LRP6: variants seen among roughly 807,000 people sequenced by gnomAD.
LRP6 encodes LDL receptor related protein 6, also known as low-density lipoprotein receptor-related protein 6.
A neutral mutation model predicts 184.1 loss-of-function variants in LRP6; 43 were observed. That is an observed-to-expected ratio of 0.23 (90% CI 0.18 to 0.30). The LOEUF is 0.30. Among genes scored for constraint, LRP6 ranks in the 10% least tolerant of loss-of-function variants. The pLI is 1.00. For synonymous variants in LRP6, 719 were observed against 684.9 expected, an observed-to-expected ratio of 1.05 and a Z score of -0.78; for missense variants, 1,571 against 2,005.3, an observed-to-expected ratio of 0.78 and a Z score of 4.14.
intron 2 of LRP6, among the ~76,000 whole-genome samples, chr12:12,212,363 G>A (rs1591952394): frequency 6.6e-6 from 1 of 152,118 alleles, no homozygotes; most frequent in African/African-American, 2.4e-5. Context: ...CTATGCTCCA[G>A]TTATGAGCTG....
intron 1 of LRP6, among the ~76,000 whole-genome samples, chr12:12,263,358 G>A (rs532443516): frequency 1.3e-3 from 190 of 151,504 alleles, no homozygotes; most frequent in African/African-American, 4.2e-3. Context: ...GGCGGATCAC[G>A]AGGTCAGGAG....
rs117379991 is a variant in LRP6, at chr12:12,210,014, T to C, written c.450-6614A>G. On this transcript the variant is annotated intron_variant, in intron 2 of 22. Coordinates refer to ENST00000261349, the MANE Select transcript of LRP6 (RefSeq NM_002336.3). Reference sequence around the variant, plus strand: ...GAAATAGTGTTCCAGGAAGAGGACATAGCATATGAAGTCATGATATATTCA... The same window carrying C: ...GAAATAGTGTTCCAGGAAGAGGACACAGCATATGAAGTCATGATATATTCA... Among the ~76,000 whole-genome samples, 192 of 152,272 alleles carry C rather than the reference T, an allele frequency of 1.3e-3. 2 individuals are homozygous for C. In the East Asian group the frequency reaches 0.031, roughly 25 times the overall value.
chr12:12,153,090 A>T (rs1005488695), intron 12 of LRP6, among the ~76,000 whole-genome samples: 1 of 152,238 alleles, frequency 6.6e-6, no homozygotes, highest in Non-Finnish European at 1.5e-5. Context: ...TAGTAAAAAC[A>T]CATCACACAG....
chr12:12,237,725 T>C (rs187242484), intron 2 of LRP6, among the ~76,000 whole-genome samples: 40 of 152,292 alleles, frequency 2.6e-4, no homozygotes, highest in Admixed American at 2.3e-3. Flanking sequence ...CTGAGGAACG[T>C]TCTACAAATG....
intron 2 of LRP6, among the ~76,000 whole-genome samples, chr12:12,233,139 G>A (rs751671712): frequency 2.0e-5 from 3 of 152,194 alleles, no homozygotes; most frequent in Middle Eastern, 3.4e-3. Context: ...AACACAGGGG[G>A]ATAAAAATAA....
intron 10 of LRP6, among the ~76,000 whole-genome samples, chr12:12,160,448 G>C (rs1019804411): frequency 6.6e-6 from 1 of 151,956 alleles, no homozygotes; most frequent in Admixed American, 6.6e-5. Context: ...TACATGAAAG[G>C]TAATTATAAA....
chr12:12,171,582 A>T (rs761853108), intron 7 of LRP6, among the ~76,000 whole-genome samples: 9 of 151,834 alleles, frequency 5.9e-5, no homozygotes, highest in Non-Finnish European at 1.3e-4. Flanking sequence ...CGCTATTATC[A>T]TTTTTGTTAG....
At chr12:12,183,185 C>G (rs1315733103) in intron 5 of LRP6, among the ~76,000 whole-genome samples, 1 of 152,186 alleles carries the variant, frequency 6.6e-6, no homozygotes, top group Non-Finnish European at 1.5e-5. Flanking sequence ...GACTCTAACA[C>G]ACTCCAAAAC....
intron 12 of LRP6, among the ~76,000 whole-genome samples, chr12:12,158,217 T>G (rs1274179004): frequency 6.6e-6 from 1 of 152,248 alleles, no homozygotes; most frequent in East Asian, 1.9e-4. Flanking sequence ...GTTTTGCGAT[T>G]CACTGTTTTA....
At chr12:12,234,087 A>G (rs1864867110) in intron 2 of LRP6, among the ~76,000 whole-genome samples, 2 of 152,286 alleles carry the variant, frequency 1.3e-5, no homozygotes, top group South Asian at 4.1e-4. Context: ...CAGGAGTTTG[A>G]GACCAGCCTG....
At chr12:12,257,869 A>T in intron 1 of LRP6, among the ~76,000 whole-genome samples, 1 of 146,652 alleles carries the variant, frequency 6.8e-6, no homozygotes, top group South Asian at 2.3e-4. Flanking sequence ...CTGGAAGCTG[A>T]GGCAGGAGGA....
chr12:12,230,995 A>C (rs1442701707), intron 2 of LRP6, among the ~76,000 whole-genome samples: 1 of 151,850 alleles, frequency 6.6e-6, no homozygotes, highest in Non-Finnish European at 1.5e-5. Context: ...AGCCTGGCCA[A>C]TATGGTAAAA....
intron 15 of LRP6, among the ~76,000 whole-genome samples, chr12:12,142,422 T>C (rs1183558423): frequency 2.0e-5 from 3 of 152,168 alleles, no homozygotes; most frequent in Admixed American, 1.3e-4. Context: ...GGAAAAGATA[T>C]GCTTATTTAT....
rs536896153 is a variant in LRP6 at position 12,177,444 on chromosome 12, G to A, written c.1545+2366C>T. 4.6e-5 allele frequency among the ~76,000 whole-genome samples: 7 copies of A among 152,124 alleles called. No individual in the cohort carries two copies. The South Asian group carries it at 1.2e-3, about 27-fold the overall frequency. ...AAGTTCACAGTATTATCAAATCAAG[G>A]GAGATGAAAAGCTGGTAGTAGCAGT... On this transcript the variant is annotated intron_variant, in intron 7 of 22. Transcript: ENST00000261349.
At chr12:12,160,766 T>C (rs1365528139) in intron 10 of LRP6, among the ~76,000 whole-genome samples, 1 of 152,242 alleles carries the variant, frequency 6.6e-6, no homozygotes, top group East Asian at 1.9e-4. Flanking sequence ...GCCAGTTAGA[T>C]GACAGAGCTA....
chr12:12,220,073 G>A (rs1362085474), intron 2 of LRP6, among the ~76,000 whole-genome samples: 3 of 151,992 alleles, frequency 2.0e-5, no homozygotes, highest in African/African-American at 4.8e-5. Flanking sequence ...GATCACCTGA[G>A]GTCAGGAATT....
In LRP6 at chr12:12,175,111, G is replaced by C. The variant is rs570250184; in HGVS notation, c.1545+4699C>G. Reference sequence around the variant, plus strand: ...AAAGTATATAATGAAAAAACAGGTCGGGCATGGTGGCTCAAACCTATAATC... The same window carrying C: ...AAAGTATATAATGAAAAAACAGGTCCGGCATGGTGGCTCAAACCTATAATC... On this transcript the variant is annotated intron_variant, in intron 7 of 22. Coordinates refer to ENST00000261349, the MANE Select transcript of LRP6 (RefSeq NM_002336.3). Among the ~76,000 whole-genome samples, 3 of 152,284 alleles carry C rather than the reference G, an allele frequency of 2.0e-5. No individual in the cohort carries two copies. The South Asian group carries it at 6.2e-4, about 32-fold the overall frequency.
rs950835061 is a variant in LRP6, at chr12:12,120,696, G to A, written c.*430C>T. On this transcript the variant is annotated 3_prime_UTR_variant, in exon 23 of 23. Transcript: ENST00000261349. The stretch of plus-strand genomic sequence containing the variant: ...CTGAAGGCTATCTGGCTACATCCAT[G>A]TATCTATGGTTTGCTGCTCTGAGAT... 3 of 153,950 alleles carry A rather than the reference G, an allele frequency of 1.9e-5. No homozygotes were observed. The highest frequency in any genetic ancestry group is 4.3e-5 in the Non-Finnish European group (3 of 69,116). 9.5% of individuals were successfully genotyped at this position (153,950 alleles called of 1,614,324 possible). A position where few individuals can be genotyped will look rare whatever the true frequency, so the allele number is the denominator to read the frequency against.
chr12:12,206,220 T>C (rs1864053132), intron 2 of LRP6, among the ~76,000 whole-genome samples: 1 of 152,164 alleles, frequency 6.6e-6, no homozygotes, highest in Admixed American at 6.5e-5. Context: ...CATGACTATA[T>C]ATAGGAAGGT....
Sources: gnomAD v4.1 joint callset for allele counts (sites outside exome capture counted in the v4.1 genomes callset) on GRCh38, gnomAD v4.1.1 for gene constraint, MANE v1.5 for transcripts, NCBI Gene and HGNC (gene_info 2026-07-23, HGNC 2026-07-21) for gene names.